Variants in TENM3 observed in about 807,000 individuals in gnomAD.
TENM3 encodes the protein teneurin-3.
A neutral mutation model predicts 255.1 loss-of-function variants in TENM3; 63 were observed. The observed-to-expected ratio is 0.25, with a 90% CI of 0.20 to 0.30. The LOEUF is 0.30. Ranked by LOEUF, TENM3 falls within the 10% of genes least tolerant of loss-of-function variation. TENM3 has a pLI of 1.00. For synonymous variants in TENM3, 1,306 were observed against 1,322.3 expected, an observed-to-expected ratio of 0.99 and a Z score of 0.27; for missense variants, 2,929 against 3,461.1, an observed-to-expected ratio of 0.85 and a Z score of 3.86.
rs891374888 is a variant in TENM3, at chr4:182,799,532, T to G, written c.7345-64T>G. On this transcript the variant is annotated intron_variant, in intron 27 of 27. Coordinates refer to ENST00000511685, the MANE Select transcript of TENM3 (RefSeq NM_001080477.4). This position sits in a 1 kb window ranked among gnomAD's most constrained non-coding sequence, Gnocchi z 4.2. ...GGCGCTGCCCCCAGAGTCCCGTGTG[T>G]GGGTCAGGAGTGGGGAGGCTCCCGG... 6.6e-7 allele frequency: 1 copy of G among 1,504,134 alleles called. No homozygotes were observed. The highest frequency in any genetic ancestry group is 8.8e-7 in the Non-Finnish European group (1 of 1,136,542). The allele number at this position is 1,504,134 out of a possible 1,614,324, so 93.2% of individuals were successfully genotyped here.
At chr4:182,168,568 C>A (rs112051184) in intron 1 of TENM3, among the ~76,000 whole-genome samples, 2 of 152,206 alleles carry the variant, frequency 1.3e-5, no homozygotes, top group Non-Finnish European at 2.9e-5. Flanking sequence ...CTATTAGCTT[C>A]TGTTAAAAGA....
At chr4:182,131,556 C>G in the TENM3 span, among the ~76,000 whole-genome samples, 1 of 152,134 alleles carries the variant, frequency 6.6e-6, no homozygotes, top group Non-Finnish European at 1.5e-5. Context: ...ACCTTCTGCT[C>G]TGGTTTCAGT....
chr4:181,888,000 TTATTCTATTC>T, the TENM3 span, among the ~76,000 whole-genome samples: 4 of 152,148 alleles, frequency 2.6e-5, no homozygotes, highest in South Asian at 4.1e-4. Context: ...AGGCTCAATT[TTATTCTATTC>T]TATTCTATTC....
At chr4:181,817,649 T>C in the TENM3 span, among the ~76,000 whole-genome samples, 1 of 152,294 alleles carries the variant, frequency 6.6e-6, no homozygotes, top group African/African-American at 2.4e-5. Flanking sequence ...TCATGAATGG[T>C]ATTAGACGCG....
chr4:181,624,410 T>G, the TENM3 span, among the ~76,000 whole-genome samples: 1 of 152,194 alleles, frequency 6.6e-6, no homozygotes, highest in African/African-American at 2.4e-5. Flanking sequence ...AAGGAAGAGA[T>G]GTTTTACATG....
At chr4:181,587,975 G>A in the TENM3 span, among the ~76,000 whole-genome samples, 1 of 152,146 alleles carries the variant, frequency 6.6e-6, no homozygotes, top group African/African-American at 2.4e-5. Context: ...GAAAGAAGGG[G>A]TGGGGACGTT....
chr4:181,509,382 C>T, the TENM3 span, among the ~76,000 whole-genome samples: 1 of 150,850 alleles, frequency 6.6e-6, no homozygotes, highest in Non-Finnish European at 1.5e-5. Flanking sequence ...CTTAGGCTTT[C>T]TGGCTAAGGT....
At chr4:182,508,664 A>G (rs1417094909) in intron 3 of TENM3, among the ~76,000 whole-genome samples, 6 of 152,222 alleles carry the variant, frequency 3.9e-5, no homozygotes, top group African/African-American at 4.8e-5. Flanking sequence ...TTAGTGTGCA[A>G]TTAACTGTCA....
intron 1 of TENM3, among the ~76,000 whole-genome samples, chr4:182,298,815 A>C (rs1374948681): frequency 6.6e-6 from 1 of 151,542 alleles, no homozygotes; most frequent in African/African-American, 2.4e-5. Context: ...TCTACCAAAA[A>C]TATAAAAATT....
the TENM3 span, among the ~76,000 whole-genome samples, chr4:181,716,709 C>T: frequency 1.3e-5 from 2 of 152,158 alleles, no homozygotes; most frequent in Non-Finnish European, 2.9e-5. Flanking sequence ...ATACTCAGAA[C>T]TGACACAAAG....
chr4:182,144,995 C>T (rs1363462507), intron 1 of TENM3: 2 of 151,994 alleles, frequency 1.3e-5, no homozygotes, highest in Admixed American at 6.5e-5. Flanking sequence ...CGGCGCCTCT[C>T]GCCCGGGGAG....
At chr4:181,888,328 G>A in the TENM3 span, among the ~76,000 whole-genome samples, 1 of 151,276 alleles carries the variant, frequency 6.6e-6, no homozygotes, top group Non-Finnish European at 1.5e-5. Context: ...ACTGTGCCTG[G>A]CCAAGGCTCA....
At chr4:181,699,184 A>G in the TENM3 span, among the ~76,000 whole-genome samples, 1 of 152,130 alleles carries the variant, frequency 6.6e-6, no homozygotes, top group Non-Finnish European at 1.5e-5. Context: ...TAATCCCAGC[A>G]TTGTGAGAAG....
chr4:182,164,709 T>G (rs909462318), intron 1 of TENM3, among the ~76,000 whole-genome samples: 3 of 152,210 alleles, frequency 2.0e-5, no homozygotes, highest in Admixed American at 6.5e-5. Context: ...CCCTTTTGTT[T>G]AACTGGTTGC....
intron 1 of TENM3, among the ~76,000 whole-genome samples, chr4:182,189,526 T>C (rs1753377925): frequency 1.3e-5 from 2 of 152,200 alleles, no homozygotes; most frequent in South Asian, 4.1e-4. Context: ...GTGTAGCATC[T>C]GACCTTGAGA....
the TENM3 span, among the ~76,000 whole-genome samples, chr4:181,564,880 CTG>C: frequency 6.6e-6 from 1 of 152,124 alleles, no homozygotes; most frequent in African/African-American, 2.4e-5. Flanking sequence ...CTTTTTTTCT[CTG>C]TGATATCTCA....
intron 3 of TENM3, among the ~76,000 whole-genome samples, chr4:182,511,872 T>G (rs1737432316): frequency 6.6e-6 from 1 of 152,226 alleles, no homozygotes; most frequent in South Asian, 2.1e-4. Context: ...TTTAAGGTGC[T>G]TTACATGTAT....
At chr4:181,929,043 A>AG in the TENM3 span, among the ~76,000 whole-genome samples, 11 of 152,194 alleles carry the variant, frequency 7.2e-5, no homozygotes, top group African/African-American at 2.7e-4. Flanking sequence ...TAAATATGGA[A>AG]CGAAAAACCG....
At chr4:182,179,347 C>T (rs1267126969) in intron 1 of TENM3, among the ~76,000 whole-genome samples, 4 of 152,152 alleles carry the variant, frequency 2.6e-5, no homozygotes, top group Non-Finnish European at 4.4e-5. Context: ...AGGATGAACC[C>T]ACACCAGAGT....
Sources: gnomAD v4.1 joint callset for allele counts (sites outside exome capture counted in the v4.1 genomes callset) on GRCh38, gnomAD v4.1.1 for gene constraint, Gnocchi (gnomAD v3.1) non-coding constraint, MANE v1.5 for transcripts, NCBI Gene and HGNC (gene_info 2026-07-23, HGNC 2026-07-21) for gene names.